TRIM37: variants seen among roughly 807,000 people sequenced by gnomAD.
TRIM37 encodes the protein E3 ubiquitin-protein ligase TRIM37.
A neutral mutation model predicts 129.8 loss-of-function variants in TRIM37; 80 were observed. That is an observed-to-expected ratio of 0.62 (90% CI 0.51 to 0.74). The LOEUF (loss-of-function observed/expected upper bound fraction) is 0.74. TRIM37 is among the 30% of genes least tolerant of loss of function. The probability of loss-of-function intolerance (pLI) is 0.00; values close to 1 mark genes in which losing one functional copy is unlikely to be tolerated. For synonymous variants in TRIM37, 389 were observed against 387.1 expected (o/e 1.00, Z -0.06); for missense variants, 1,054 against 1,176.5 (o/e 0.90, Z 1.52).
intron 17 of TRIM37, among the ~76,000 whole-genome samples, chr17:59,036,447 GGTGTGTGT>G (rs10625636): frequency 0.023 from 3,191 of 140,648 alleles, 81 homozygotes; most frequent in Admixed American, 0.083. Flanking sequence ...ATTTGCTGGG[GGTGTGTGT>G]GTGTGTGTGT....
intron 5 of TRIM37, among the ~76,000 whole-genome samples, chr17:59,081,533 T>C (rs1049711947): frequency 6.6e-6 from 1 of 152,158 alleles, no homozygotes; most frequent in Non-Finnish European, 1.5e-5. Context: ...CAGTCACTCT[T>C]CTCTAAGGCA....
chr17:59,103,122 C>A (rs1310289558), intron 2 of TRIM37, among the ~76,000 whole-genome samples: 1 of 152,120 alleles, frequency 6.6e-6, no homozygotes, highest in African/African-American at 2.4e-5. Context: ...ATCCACACAC[C>A]TCAGCCTCCC....
the TRIM37 span, among the ~76,000 whole-genome samples, chr17:58,977,214 G>T: frequency 7.9e-5 from 12 of 152,068 alleles, no homozygotes; most frequent in Non-Finnish European, 1.8e-4. Context: ...AGAAGCCCAG[G>T]TGGGTAGATC....
At chr17:59,043,237 A>G (rs1408355165) in intron 16 of TRIM37, among the ~76,000 whole-genome samples, 1 of 152,212 alleles carries the variant, frequency 6.6e-6, no homozygotes, top group Admixed American at 6.5e-5. Flanking sequence ...AAATCTCAAG[A>G]TAAGCACCCA....
At chr17:59,101,655 CAAAAAAAAAAAAA>C (rs763661189) in intron 2 of TRIM37, among the ~76,000 whole-genome samples, 2,958 of 58,858 alleles carry the variant, frequency 0.05, 174 homozygotes, top group African/African-American at 0.15. Flanking sequence ...CCCATCTCTA[CAAAAAAAAAAAAA>C]AAAAAAAAAA....
At chr17:58,987,551 A>C (rs1232553865) in intron 24 of TRIM37, among the ~76,000 whole-genome samples, 2 of 152,246 alleles carry the variant, frequency 1.3e-5, no homozygotes, top group Non-Finnish European at 2.9e-5. Context: ...CACTGTGGCT[A>C]ATCTTACCAT....
chr17:59,077,808 T>TG (rs2042940082), intron 7 of TRIM37, among the ~76,000 whole-genome samples: 1 of 26,108 alleles, frequency 3.8e-5, no homozygotes. Flanking sequence ...AGACTCCATC[T>TG]CAAAAAAAAA....
intron 22 of TRIM37, 78 bp from the exon 23 acceptor site, chr17:59,001,792 T>C: frequency 1.3e-6 from 2 of 1,557,348 alleles, no homozygotes; most frequent in Non-Finnish European, 1.7e-6. Context: ...CCGTATCTGC[T>C]AAACTGAGAT....
intron 15 of TRIM37, among the ~76,000 whole-genome samples, chr17:59,048,892 C>T (rs1200595266): frequency 6.6e-6 from 1 of 152,284 alleles, no homozygotes; most frequent in African/African-American, 2.4e-5. Context: ...CCACCGCACC[C>T]GGCCAGAACA....
chr17:59,077,717 G>C (rs900856528), intron 7 of TRIM37, among the ~76,000 whole-genome samples: 2 of 143,658 alleles, frequency 1.4e-5, no homozygotes, highest in African/African-American at 5.2e-5. Flanking sequence ...GGCTGAGATA[G>C]AAGAATCTCT....
chr17:59,054,490 C>A (rs1175802141), intron 13 of TRIM37, among the ~76,000 whole-genome samples: 1 of 151,908 alleles, frequency 6.6e-6, no homozygotes, highest in Non-Finnish European at 1.5e-5. Context: ...TTAGTAGAGA[C>A]AGGGTTTCAC....
rs141003126 is a variant in TRIM37, at chr17:59,103,270, A to T, written c.123+1023T>A. 5.2e-3 allele frequency among the ~76,000 whole-genome samples: 790 copies of T among 152,296 alleles called. 17 individuals are homozygous for T. The highest frequency in any genetic ancestry group is 2.9e-3 in the Non-Finnish European group (199 of 68,018). On this transcript the variant is annotated intron_variant, in intron 2 of 23. Transcript: ENST00000262294. Reference sequence around the variant, plus strand: ...GGGAATGTGAACAAGGCAGTTTTCAACTATGCTCTGTAGATGTGCTATTGG... The same window carrying T: ...GGGAATGTGAACAAGGCAGTTTTCATCTATGCTCTGTAGATGTGCTATTGG...
chr17:58,983,905 C>G (rs1015312466), intron 24 of TRIM37: 1 of 152,602 alleles, frequency 6.6e-6, no homozygotes, highest in Non-Finnish European at 1.5e-5. Context: ...TTACAAACTC[C>G]TTGTACATTC....
At chr17:59,080,129 CT>C (rs2043139099) in intron 6 of TRIM37, among the ~76,000 whole-genome samples, 1 of 152,160 alleles carries the variant, frequency 6.6e-6, no homozygotes, top group Non-Finnish European at 1.5e-5. Flanking sequence ...AAGACATCTG[CT>C]TTTAATTTAG....
chr17:59,008,389 A>G (rs2034815968), intron 22 of TRIM37, among the ~76,000 whole-genome samples: 1 of 152,212 alleles, frequency 6.6e-6, no homozygotes, highest in African/African-American at 2.4e-5. Flanking sequence ...TCCTACATGA[A>G]TAACTCCATT....
intron 18 of TRIM37, among the ~76,000 whole-genome samples, chr17:59,030,399 G>A (rs1341783021): frequency 1.3e-5 from 2 of 152,142 alleles, no homozygotes; most frequent in Non-Finnish European, 2.9e-5. Flanking sequence ...GAGCCACTGC[G>A]CCCAGCCCCA....
At chr17:58,983,064 G>A (rs578118112) in intron 24 of TRIM37, 14 of 726,302 alleles carry the variant, frequency 1.9e-5, no homozygotes, top group Admixed American at 2.9e-5. Context: ...GAGGGTAAAG[G>A]GAAAAAGTTA....
chr17:59,076,046 C>T (rs1265560982), intron 7 of TRIM37, among the ~76,000 whole-genome samples: 1 of 152,194 alleles, frequency 6.6e-6, no homozygotes, highest in East Asian at 1.9e-4. Context: ...GAAGCAATAA[C>T]ATGAATTTCA....
rs1332439415 is a variant in TRIM37 at position 58,983,180 on chromosome 17, GC to G, written c.2892-260del. 8 of 403,182 alleles carry G rather than the reference GC, an allele frequency of 2.0e-5. 1 individual carries two copies. The highest frequency in any genetic ancestry group is 3.6e-5 in the Non-Finnish European group (8 of 223,178). 25.0% of individuals were successfully genotyped at this position (403,182 alleles called of 1,614,324 possible). A position where few individuals can be genotyped will look rare whatever the true frequency, so the allele number is the denominator to read the frequency against. On this transcript the variant is annotated intron_variant, in intron 24 of 24. Coordinates refer to the TRIM37 transcript ENST00000393066. ...TGGATTTTGTAGGTCCGACTACACA[GC>G]AGTGTTAACTCATTTCTCATGCCAT...
Sources: allele counts gnomAD v4.1 joint callset (sites outside exome capture counted in the v4.1 genomes callset), GRCh38; gene constraint gnomAD v4.1.1; transcripts MANE v1.5; gene names NCBI Gene and HGNC (gene_info 2026-07-23, HGNC 2026-07-21).